Variants in ZNF791 observed in about 807,000 individuals in gnomAD.
The protein encoded by ZNF791 is zinc finger protein 791.
ZNF791 carries 4 observed loss-of-function variants against 11.5 expected under a neutral mutation model. The ratio of observed to expected loss-of-function variants is 0.35; its 90% CI spans 0.17 to 0.80. The LOEUF (loss-of-function observed/expected upper bound fraction) is 0.80, where lower values mean the gene tolerates loss of function less well. Ranked by LOEUF, ZNF791 falls within the 30% of genes least tolerant of loss-of-function variation. ZNF791 has a pLI of 0.53. For missense variants in ZNF791, 559 were observed against 699.4 expected, an observed-to-expected ratio of 0.80 and a Z score of 2.26; for synonymous variants, 212 against 228.1, an observed-to-expected ratio of 0.93 and a Z score of 0.64.
At chr19:12,622,378 T>TTA (rs2023364292) in intron 1 of ZNF791, among the ~76,000 whole-genome samples, 1 of 20,136 alleles carries the variant, frequency 5.0e-5, no homozygotes, top group Non-Finnish European at 1.1e-4. Context: ...AAATAATAAA[T>TTA]AAAAAAAATA....
At chr19:12,623,344 C>G in intron 1 of ZNF791, 1 of 211,562 alleles carries the variant, frequency 4.7e-6, no homozygotes, top group Non-Finnish European at 9.5e-6. Flanking sequence ...GGACTAGGCT[C>G]CAATGAACTG....
At chr19:12,611,148 C>A in intron 1 of ZNF791, 66 bp downstream of exon 1, 1 of 1,601,668 alleles carries the variant, frequency 6.2e-7, no homozygotes, top group South Asian at 1.1e-5. Context: ...TCCCCACGGT[C>A]ACCTCCGGCC....
rs753518795 is a variant in ZNF791 at position 12,623,848 on chromosome 19, C to CTTTTT, written c.130+24_130+28dup. The CTTTTT allele has an allele frequency of 8.8e-6, 7 of 798,966 alleles. 2 individuals are homozygous for CTTTTT. Among genetic ancestry groups the CTTTTT allele is most frequent in the Non-Finnish European group, 8.5e-6 (5 of 587,378 alleles). The allele number at this position is 798,966 out of a possible 1,614,324, so 49.5% of individuals were successfully genotyped here. ...ATAGGTAAGGATGACATCATTTTTTCTTTTTTCTTTTTTTTTTTTTTTGGG... is the reference window on the plus strand; with the variant it reads ...ATAGGTAAGGATGACATCATTTTTTCTTTTTTTTTTTCTTTTTTTTTTTTTTTGGG... On this transcript the variant is annotated intron_variant, in intron 2 of 3. Coordinates refer to ENST00000343325, the MANE Select transcript of ZNF791 (RefSeq NM_153358.3).
intron 1 of ZNF791, among the ~76,000 whole-genome samples, chr19:12,619,719 G>A (rs932795230): frequency 1.3e-5 from 2 of 151,906 alleles, no homozygotes; most frequent in South Asian, 4.1e-4. Context: ...CAAGTGCTGG[G>A]ATTACAGGCG....
chr19:12,627,128 C>T (rs2023441332), intron 3 of ZNF791, among the ~76,000 whole-genome samples: 1 of 150,750 alleles, frequency 6.6e-6, no homozygotes. Flanking sequence ...CTGCAGTGAG[C>T]CATGATTGCA....
rs759425580 is a variant in ZNF791 at position 12,628,800 on chromosome 19, T to G, written c.1271T>G (p.Leu424Arg). The G allele has an allele frequency of 6.2e-7, 1 of 1,614,098 alleles. No homozygotes were observed. ...CKECAKTFIS[L>R]ENFRRHMITH... ...GAATGTGCAAAAACCTTCATTTCTC[T>G]TGAGAACTTTCGAAGACACATGATC... Residue 424 changes from leucine (L) to arginine (R), a missense_variant, in exon 4 of 4, where the codon CTT becomes CGT. Leu to Arg is a moderately radical substitution (Grantham distance 102, BLOSUM62 -2). Transcript: ENST00000343325.
At position 12,624,651 on chromosome 19, in the gene ZNF791, G is replaced by A; in HGVS notation, c.132G>A (p.Gly44=). Residue 44 remains glycine, a splice_region_variant and synonymous_variant, in exon 3 of 4, where the codon GGG becomes GGA. Coordinates refer to ENST00000343325, the MANE Select transcript of ZNF791 (RefSeq NM_153358.3). The part of the protein sequence containing the change: ...QETFKNLASI[G]EKWEDPNVED... ...GATTATTCTTGATCTACATTTTAGG[G>A]GAAAAATGGGAAGACCCGAATGTTG... is the stretch of plus-strand genomic sequence containing the variant. 1 of 1,601,740 alleles carries A rather than the reference G, an allele frequency of 6.2e-7. No homozygotes were observed. Among genetic ancestry groups the A allele is most frequent in the Non-Finnish European group, 8.5e-7 (1 of 1,173,316 alleles).
At position 12,633,032 on chromosome 19, in the gene ZNF791, T is replaced by G. The variant is rs1186866203; in HGVS notation, c.*3772T>G. The G allele has an allele frequency of 6.6e-6, 1 of 151,792 alleles. No homozygotes were observed. Among genetic ancestry groups the G allele is most frequent in the Non-Finnish European group, 1.5e-5 (1 of 67,982 alleles). 9.4% of individuals were successfully genotyped at this position (151,792 alleles called of 1,614,324 possible). ...ATGGTGTGAACCCGGGAGGCGGAGC[T>G]TGCAGTGAGCCGAGATCGTGCCACT... On this transcript the variant is annotated 3_prime_UTR_variant, in exon 4 of 4. Transcript: ENST00000343325.
Position 12,610,966 on chromosome 19 carries a change from G to A in ZNF791, c.-114G>A. The A allele has an allele frequency of 1.4e-6, 2 of 1,423,166 alleles. No individual in the cohort carries two copies. The highest frequency in any genetic ancestry group is 2.0e-6 in the Non-Finnish European group (2 of 1,010,666). The allele number at this position is 1,423,166 out of a possible 1,614,324, so 88.2% of individuals were successfully genotyped here. On this transcript the variant is annotated 5_prime_UTR_variant, in exon 1 of 4. Transcript: ENST00000343325. ...GCGATCGGGTTGTGCTTAGCTTGGG[G>A]TCTCCTGGCCCCTTGACGCGTCAGG...
intron 1 of ZNF791, chr19:12,612,517 C>T (rs970573714): frequency 6.6e-6 from 1 of 150,992 alleles, no homozygotes; most frequent in Non-Finnish European, 1.5e-5. Flanking sequence ...TCTCAGCTCA[C>T]TGCAACCTCT....
chr19:12,631,194 C>T lies in ZNF791; in HGVS notation c.*1934C>T, dbSNP rs1364022949. 5.3e-5 allele frequency: 8 copies of T among 152,244 alleles called. No individual in the cohort carries two copies. In the East Asian group the frequency reaches 1.5e-3, roughly 29 times the overall value. The allele number at this position is 152,244 out of a possible 1,614,324, so 9.4% of individuals were successfully genotyped here. On this transcript the variant is annotated 3_prime_UTR_variant, in exon 4 of 4. Transcript: ENST00000343325. ...AATACTTAACATTTTGTTACAATTT[C>T]CTACAGTGTTCAGTACAACAACATG...
intron 3 of ZNF791, among the ~76,000 whole-genome samples, chr19:12,627,094 T>C (rs1036388939): frequency 1.3e-5 from 2 of 150,800 alleles, no homozygotes; most frequent in Non-Finnish European, 3.0e-5. Flanking sequence ...GGTGGGAGGA[T>C]TGATTGAGCC....
At chr19:12,624,804 C>CT (rs775608337) in intron 3 of ZNF791, 94 bp downstream of exon 3, 31 of 836,854 alleles carry the variant, frequency 3.7e-5, no homozygotes, top group Non-Finnish European at 5.3e-5. Flanking sequence ...AATCTCAGCA[C>CT]TTTGAGAGGC....
intron 1 of ZNF791, among the ~76,000 whole-genome samples, chr19:12,612,825 T>C (rs1288526488): frequency 6.7e-6 from 1 of 150,314 alleles, no homozygotes; most frequent in African/African-American, 2.4e-5. Context: ...TTTTTTTTTT[T>C]TTTTAAAGAC....
rs1199691489 is a variant in ZNF791 at position 12,630,421 on chromosome 19, C to G, written c.*1161C>G. On this transcript the variant is annotated 3_prime_UTR_variant, in exon 4 of 4. Coordinates refer to ENST00000343325, the MANE Select transcript of ZNF791 (RefSeq NM_153358.3). ...CAGTGAGCTGAGATCTACCACTACA[C>G]TCCAGCCTGGGTGACAGAGCGAGAC... 1 of 152,020 alleles carries G rather than the reference C, an allele frequency of 6.6e-6. No homozygotes were observed. The highest frequency in any genetic ancestry group is 1.5e-5 in the Non-Finnish European group (1 of 68,044). The allele number at this position is 152,020 out of a possible 1,614,324, so 9.4% of individuals were successfully genotyped here.
rs2023469171 is a variant in ZNF791, at chr19:12,629,208, C to G, written c.1679C>G (p.Ala560Gly). ...KPLECKQCGK[A>G]FSVSTSLKKH... is the part of the protein sequence containing the mutation. ...CTTGAATGTAAGCAATGTGGAAAAG[C>G]CTTCAGTGTGTCCACATCCTTAAAA... Residue 560 changes from alanine to glycine, a missense_variant, in exon 4 of 4, where the codon GCC (alanine) becomes GGC (glycine). Coordinates refer to ENST00000343325, the MANE Select transcript of ZNF791 (RefSeq NM_153358.3). The G allele has an allele frequency of 1.3e-6, 2 of 1,558,548 alleles. No individual in the cohort carries two copies. Among genetic ancestry groups the G allele is most frequent in the Non-Finnish European group, 8.7e-7 (1 of 1,155,880 alleles).
Position 12,628,042 on chromosome 19 carries a change from TC to T in ZNF791, c.514del (p.His172ThrfsTer89). On this transcript the variant is annotated frameshift_variant, in exon 4 of 4. Transcript: ENST00000343325. LOFTEE classifies it low-confidence loss of function (END_TRUNC). ...AACAATGTGGAAAAACCTTCATATA[TC>T]ACCAGCCCTTTCAAAGACATGAGCG... ...CKQCGKTFIY[H>X]QPFQRHERTH... The T allele has an allele frequency of 6.2e-7, 1 of 1,613,124 alleles. No individual in the cohort carries two copies. The highest frequency in any genetic ancestry group is 8.5e-7 in the Non-Finnish European group (1 of 1,179,650).
At chr19:12,616,130 G>T in intron 1 of ZNF791, among the ~76,000 whole-genome samples, 1 of 152,186 alleles carries the variant, frequency 6.6e-6, no homozygotes, top group East Asian at 1.9e-4. Flanking sequence ...TCTAATAAGT[G>T]TAAAGTGATA....
In ZNF791 at chr19:12,619,444, C is replaced by CTT. The variant is rs145492959; in HGVS notation, c.4-4234_4-4233dup. On this transcript the variant is annotated intron_variant, in intron 1 of 3. Coordinates refer to ENST00000343325, the MANE Select transcript of ZNF791 (RefSeq NM_153358.3). The stretch of plus-strand genomic sequence containing the variant: ...CTGTAGTCATCAACACTAATGTTAT[C>CTT]TTTTTTTTTTTTTTTTTTTTTTTGA... 6.9e-3 allele frequency among the ~76,000 whole-genome samples: 671 copies of CTT among 97,408 alleles called. 1 individual carries two copies. The highest frequency in any genetic ancestry group is 0.02 in the East Asian group (75 of 3,746). The allele number at this position is 97,408 out of a possible 152,430, so 63.9% of individuals were successfully genotyped here. A position where few individuals can be genotyped will look rare whatever the true frequency, so the allele number is the denominator to read the frequency against.
Sources: allele counts gnomAD v4.1 joint callset (sites outside exome capture counted in the v4.1 genomes callset), GRCh38; gene constraint gnomAD v4.1.1; transcripts MANE v1.5; gene names NCBI Gene and HGNC (gene_info 2026-07-23, HGNC 2026-07-21).